Variants in FBLN2 observed in about 807,000 individuals in gnomAD.
The protein encoded by FBLN2 is fibulin 2.
FBLN2 carries 81 observed loss-of-function variants against 123.7 expected under a neutral mutation model. That is an observed-to-expected ratio of 0.65 (90% CI 0.55 to 0.79). The LOEUF is 0.79. Among genes scored for constraint, FBLN2 ranks in the 30% least tolerant of loss-of-function variants. The pLI, the probability that FBLN2 is intolerant of heterozygous loss-of-function variation, is 0.00. For synonymous variants in FBLN2, 699 were observed against 701.4 expected, an observed-to-expected ratio of 1.00 and a Z score of 0.05; for missense variants, 1,603 against 1,681.3, an observed-to-expected ratio of 0.95 and a Z score of 0.81.
chr3:13,635,385 C>A (rs1411019868), intron 16 of FBLN2, among the ~76,000 whole-genome samples: 1 of 151,838 alleles, frequency 6.6e-6, no homozygotes, highest in African/African-American at 2.4e-5. Flanking sequence ...TACACACACA[C>A]ACACACACAC....
chr3:13,554,203 C>A (rs1261230956), intron 1 of FBLN2, among the ~76,000 whole-genome samples: 1 of 152,222 alleles, frequency 6.6e-6, no homozygotes, highest in Non-Finnish European at 1.5e-5. Flanking sequence ...CTGGCCGTAG[C>A]TGGTTCTTGA....
Position 13,613,972 on chromosome 3 carries a change from C to G in FBLN2, c.1549-12C>G, listed in dbSNP as rs528953233. 2 of 1,609,148 alleles carry G rather than the reference C, an allele frequency of 1.2e-6. No homozygotes were observed. Among genetic ancestry groups the G allele is most frequent in the Admixed American group, 3.3e-5 (2 of 59,946 alleles). On this transcript the variant is annotated splice_polypyrimidine_tract_variant and intron_variant, in intron 4 of 17. Transcript: ENST00000404922. ...CCAGAGATTGGGCAGTGATAACTGT[C>G]TCTCCCTGCAGCAATGCTGTGACTG...
At position 13,570,635 on chromosome 3, in the gene FBLN2, G is replaced by T. The variant is rs970670791; in HGVS notation, c.280G>T (p.Gly94Trp). 1 of 1,581,972 alleles carries T rather than the reference G, an allele frequency of 6.3e-7. No homozygotes were observed. The highest frequency in any genetic ancestry group is 8.6e-7 in the Non-Finnish European group (1 of 1,165,456). Residue 94 changes from glycine to tryptophan, a missense_variant, in exon 2 of 18, where the codon GGG becomes TGG. Physicochemically the swap from Gly to Trp is radical, Grantham distance 184. Coordinates refer to ENST00000404922, the MANE Select transcript of FBLN2 (RefSeq NM_001004019.2). ...CGGTCAGTCCTATTTTGTGGACTTCGGGAGCACTGAGTGCTCCTGCCCACC... is the reference window on the plus strand; with the variant it reads ...CGGTCAGTCCTATTTTGTGGACTTCTGGAGCACTGAGTGCTCCTGCCCACC... ...PAGQSYFVDFGSTECSCPPGG... is the reference protein window; with the variant it reads ...PAGQSYFVDFWSTECSCPPGG...
Position 13,630,083 on chromosome 3 carries a change from TTCC to T in FBLN2, c.2968+144_2968+146del, listed in dbSNP as rs907193036. The T allele has an allele frequency of 6.0e-5, 77 of 1,288,100 alleles. 1 individual carries two copies. The African/African-American group carries it at 1.0e-3, about 17-fold the overall frequency. The allele number at this position is 1,288,100 out of a possible 1,614,324, so 79.8% of individuals were successfully genotyped here. A position where few individuals can be genotyped will look rare whatever the true frequency, so the allele number is the denominator to read the frequency against. On this transcript the variant is annotated intron_variant, in intron 14 of 17. Coordinates refer to ENST00000404922, the MANE Select transcript of FBLN2 (RefSeq NM_001004019.2). ...CACCTTCACCCATGCTGGCCCTTCCTTCCTCCTCTGTCTGGCCCAACCCTCTCT... is the reference window on the plus strand; with the variant it reads ...CACCTTCACCCATGCTGGCCCTTCCTTCCTCTGTCTGGCCCAACCCTCTCT...
intron 16 of FBLN2, among the ~76,000 whole-genome samples, chr3:13,634,149 G>A (rs1437338681): frequency 6.6e-6 from 1 of 152,176 alleles, no homozygotes; most frequent in Admixed American, 6.5e-5. Context: ...GAAGCCCTTG[G>A]AAGCCTCTCT....
chr3:13,598,493 G>A (rs562356277), intron 2 of FBLN2, among the ~76,000 whole-genome samples: 7 of 152,300 alleles, frequency 4.6e-5, no homozygotes, highest in Admixed American at 4.6e-4. Context: ...AAGGGGAGGT[G>A]GCCAGTAAGG....
At chr3:13,578,362 TTCTC>T (rs1333955647) in intron 2 of FBLN2, among the ~76,000 whole-genome samples, 8 of 152,190 alleles carry the variant, frequency 5.3e-5, no homozygotes, top group Admixed American at 4.6e-4. Flanking sequence ...CATTCCCTCT[TTCTC>T]CCAGTCCCCG....
intron 1 of FBLN2, 94 bp downstream of exon 1, chr3:13,549,302 C>T (rs1703260054): frequency 1.2e-6 from 1 of 836,908 alleles, no homozygotes; most frequent in Non-Finnish European, 1.4e-6. Flanking sequence ...ACCGACGGCT[C>T]GGCGGACCCT....
intron 1 of FBLN2, among the ~76,000 whole-genome samples, chr3:13,558,849 C>T (rs1574942176): frequency 7.1e-6 from 1 of 141,298 alleles, no homozygotes; most frequent in African/African-American, 2.6e-5. Flanking sequence ...ACTTATCCCA[C>T]CCTCAGGGCT....
At chr3:13,612,305 T>TTCTTTCTTTCTTTCTTTCTTTC (rs1705423367) in intron 4 of FBLN2, among the ~76,000 whole-genome samples, 10 of 77,370 alleles carry the variant, frequency 1.3e-4, no homozygotes, top group African/African-American at 3.6e-4. Context: ...CTTTCTTTCT[T>TTCTTTCTTTCTTTCTTTCTTTC]TCTTTCTTTC....
rs756773219 is a variant in FBLN2 at position 13,570,309 on chromosome 3, C to T, written c.-41-6C>T. 2.0e-6 allele frequency: 3 copies of T among 1,474,496 alleles called. No individual in the cohort carries two copies. In the South Asian group the frequency reaches 4.1e-5, roughly 20 times the overall value. 91.3% of individuals were successfully genotyped at this position (1,474,496 alleles called of 1,614,324 possible). ...TACTGACAGGCTTCCTTTCTGATTC[C>T]CCCAGGGTCTTACAGGAGAGGGGAC... On this transcript the variant is annotated splice_polypyrimidine_tract_variant and splice_region_variant and intron_variant, in intron 1 of 17. Transcript: ENST00000404922.
At chr3:13,629,099 C>T (rs1706157325) in intron 12 of FBLN2, 51 bp downstream of exon 12, 1 of 1,612,798 alleles carries the variant, frequency 6.2e-7, no homozygotes, top group Non-Finnish European at 8.5e-7. Context: ...GCCCGCTTCC[C>T]CACCCCTGGG....
chr3:13,585,092 T>C (rs3773283), intron 2 of FBLN2, among the ~76,000 whole-genome samples: 50,950 of 152,146 alleles, frequency 0.33, 9,231 homozygotes, highest in East Asian at 0.54. Flanking sequence ...CCCTGGAGCC[T>C]GGATGCAGGA....
Position 13,636,585 on chromosome 3 carries a change from C to A in FBLN2, c.3338+17C>A. The stretch of plus-strand genomic sequence containing the variant: ...CTCCAAAACGTGAGTGTCCCCACCC[C>A]AGTCCCAGTCCCAGGGAGCCTGTCC... On this transcript the variant is annotated intron_variant, in intron 17 of 17. Transcript: ENST00000404922. 6.2e-7 allele frequency: 1 copy of A among 1,610,700 alleles called. No homozygotes were observed. The highest frequency in any genetic ancestry group is 8.5e-7 in the Non-Finnish European group (1 of 1,178,470).
intron 1 of FBLN2, among the ~76,000 whole-genome samples, chr3:13,553,767 G>T (rs1703391189): frequency 6.6e-6 from 1 of 152,250 alleles, no homozygotes; most frequent in African/African-American, 2.4e-5. Context: ...GCCCAGGTCT[G>T]TGTGCTGGTG....
rs377569245 is a variant in FBLN2 at position 13,571,059 on chromosome 3, G to C, written c.704G>C (p.Gly235Ala). The change falls in exon 2 of 18, where the codon GGG (glycine) becomes GCG (alanine). Residue 235 changes from glycine to alanine, a missense_variant. Coordinates refer to ENST00000404922, the MANE Select transcript of FBLN2 (RefSeq NM_001004019.2). ...AGGPPAALGG[G>A]SQPLSTIQAP... is the part of the protein sequence containing the mutation. ...GGCCCCCCAGCTGCTCTGGGAGGTG[G>C]GAGTCAGCCACTGTCCACCATCCAG... is the stretch of plus-strand genomic sequence containing the variant. 27 of 1,559,402 alleles carry C rather than the reference G, an allele frequency of 1.7e-5. No homozygotes were observed. Among genetic ancestry groups the C allele is most frequent in the Non-Finnish European group, 1.7e-6 (2 of 1,152,494 alleles).
chr3:13,593,165 G>C (rs1347965314), intron 2 of FBLN2, among the ~76,000 whole-genome samples: 1 of 152,224 alleles, frequency 6.6e-6, no homozygotes, highest in Non-Finnish European at 1.5e-5. Flanking sequence ...GCATTGAGGT[G>C]ATTTCTGCAG....
rs1367816597 is a variant in FBLN2, at chr3:13,612,356, T to TTCTG, written c.1549-1616_1549-1613dup. 3.4e-5 allele frequency among the ~76,000 whole-genome samples: 4 copies of TTCTG among 116,516 alleles called. No individual in the cohort carries two copies. The South Asian group carries it at 7.7e-4, about 23-fold the overall frequency. 76.4% of individuals were successfully genotyped at this position (116,516 alleles called of 152,430 possible). A position where few individuals can be genotyped will look rare whatever the true frequency, so the allele number is the denominator to read the frequency against. On this transcript the variant is annotated intron_variant, in intron 4 of 17. Coordinates refer to ENST00000404922, the MANE Select transcript of FBLN2 (RefSeq NM_001004019.2). ...CTTTCTTTCTTTTCTTTCTTTTTCT[T>TTCTG]TCTGTCTGTCTGTCTCTCTGTCTGT...
At chr3:13,603,381 TC>T (rs1321637660) in intron 2 of FBLN2, among the ~76,000 whole-genome samples, 10 of 143,338 alleles carry the variant, frequency 7.0e-5, no homozygotes. Context: ...ATGCTATCCT[TC>T]CCCCCTCCCC....
Sources: gnomAD v4.1 joint callset for allele counts (sites outside exome capture counted in the v4.1 genomes callset) on GRCh38, gnomAD v4.1.1 for gene constraint, MANE v1.5 for transcripts, NCBI Gene and HGNC (gene_info 2026-07-23, HGNC 2026-07-21) for gene names.